Variants in TXNDC16 observed in about 807,000 individuals in gnomAD.
TXNDC16 encodes the protein thioredoxin domain-containing protein 16.
A neutral mutation model predicts 85.6 loss-of-function variants in TXNDC16; 74 were observed. That is an observed-to-expected ratio of 0.86 (90% CI 0.72 to 1.05). The LOEUF (loss-of-function observed/expected upper bound fraction) is 1.05. Ranked by LOEUF, TXNDC16 falls within the 50% of genes least tolerant of loss-of-function variation. The pLI is 0.00. For missense variants in TXNDC16, 959 were observed against 947.0 expected (o/e 1.01, Z -0.17); for synonymous variants, 335 against 326.5 (o/e 1.03, Z -0.28).
intron 14 of TXNDC16, among the ~76,000 whole-genome samples, chr14:52,479,957 T>C (rs1268390536): frequency 1.3e-5 from 2 of 152,076 alleles, no homozygotes; most frequent in African/African-American, 4.8e-5. Context: ...GGTACTGGCA[T>C]AAAAATTGGC....
chr14:52,435,929 T>G (rs1440518046), intron 20 of TXNDC16, among the ~76,000 whole-genome samples: 1 of 151,974 alleles, frequency 6.6e-6, no homozygotes, highest in Non-Finnish European at 1.5e-5. Flanking sequence ...TAGTGTGTGA[T>G]GATCGCACCC....
intron 16 of TXNDC16, among the ~76,000 whole-genome samples, chr14:52,459,087 T>C (rs1445223035): frequency 1.3e-5 from 2 of 152,170 alleles, no homozygotes; most frequent in African/African-American, 4.8e-5. Flanking sequence ...AATAAAAATA[T>C]GCACAAAAAG....
Position 52,457,231 on chromosome 14 carries a change from C to T in TXNDC16, c.1619-57G>A, listed in dbSNP as rs2035555828. The T allele has an allele frequency of 3.1e-6, 3 of 965,018 alleles. No homozygotes were observed. In the East Asian group the frequency reaches 8.2e-5, roughly 26 times the overall value. The allele number at this position is 965,018 out of a possible 1,614,324, so 59.8% of individuals were successfully genotyped here. A position where few individuals can be genotyped will look rare whatever the true frequency, so the allele number is the denominator to read the frequency against. On this transcript the variant is annotated intron_variant, in intron 16 of 20. Transcript: ENST00000281741. ...AACCTTTATAATTATGTATGCTATT[C>T]AACTGATGAAGAGATTTATAGGTGG... is the stretch of plus-strand genomic sequence containing the variant.
intron 14 of TXNDC16, among the ~76,000 whole-genome samples, chr14:52,473,294 T>TA (rs2140135218): frequency 6.6e-6 from 1 of 152,240 alleles, no homozygotes; most frequent in Non-Finnish European, 1.5e-5. Flanking sequence ...CCAGGGTATA[T>TA]ACCCCAGACA....
chr14:52,496,053 G>A (rs1162388791), intron 9 of TXNDC16, among the ~76,000 whole-genome samples: 6 of 151,914 alleles, frequency 3.9e-5, no homozygotes, highest in Admixed American at 2.0e-4. Context: ...CCAGCTACTC[G>A]GGAGGCTGAG....
chr14:52,471,893 A>G (rs1460980127), intron 14 of TXNDC16, among the ~76,000 whole-genome samples: 5 of 151,206 alleles, frequency 3.3e-5, no homozygotes, highest in African/African-American at 1.2e-4. Context: ...AACACTAAAT[A>G]AAATAAGCAC....
intron 6 of TXNDC16, among the ~76,000 whole-genome samples, chr14:52,529,878 T>A (rs1483565980): frequency 9.6e-6 from 1 of 103,714 alleles, no homozygotes; most frequent in Non-Finnish European, 1.7e-5. Flanking sequence ...ATACCTATTA[T>A]ATATATGAAT....
chr14:52,486,632 T>C (rs1374207692), intron 12 of TXNDC16, among the ~76,000 whole-genome samples: 2 of 152,166 alleles, frequency 1.3e-5, no homozygotes, highest in African/African-American at 4.8e-5. Context: ...ATAAATTCTT[T>C]CCTAACCCTT....
intron 6 of TXNDC16, among the ~76,000 whole-genome samples, chr14:52,530,276 T>TAA (rs1566581970): frequency 0.044 from 1,726 of 39,178 alleles, 54 homozygotes; most frequent in East Asian, 0.091. Flanking sequence ...ATATTATTAT[T>TAA]TAATATATAA....
rs555643667 is a variant in TXNDC16, at chr14:52,443,351, A to G, written c.1843-2627T>C. Among the ~76,000 whole-genome samples the G allele has an allele frequency of 1.8e-4, 28 of 152,208 alleles. No individual in the cohort carries two copies. In the South Asian group the frequency reaches 2.3e-3, roughly 12 times the overall value. ...TTTCTCCTCAGCTTGCAGATGGCCT[A>G]TTGTGGGACCGTGTGATTTTTATTA... On this transcript the variant is annotated intron_variant, in intron 18 of 20. Transcript: ENST00000281741.
chr14:52,442,107 T>C (rs781379), intron 18 of TXNDC16, among the ~76,000 whole-genome samples: 14,582 of 152,248 alleles, frequency 0.096, 813 homozygotes, highest in East Asian at 0.18. Flanking sequence ...TTAAAATGTA[T>C]TTGTAGAAGA....
At chr14:52,437,083 T>C (rs185983669) in intron 20 of TXNDC16, among the ~76,000 whole-genome samples, 128 of 152,248 alleles carry the variant, frequency 8.4e-4, no homozygotes, top group Admixed American at 2.0e-3. Flanking sequence ...GTATAAATGG[T>C]TAAGACTCAA....
chr14:52,486,673 A>G (rs773178206), intron 12 of TXNDC16, among the ~76,000 whole-genome samples: 12 of 152,130 alleles, frequency 7.9e-5, no homozygotes, highest in Non-Finnish European at 1.6e-4. Flanking sequence ...CGGGAGTGAT[A>G]CAGAGGGAGG....
chr14:52,539,022 A>T (rs1403742586), intron 4 of TXNDC16, among the ~76,000 whole-genome samples: 1 of 152,226 alleles, frequency 6.6e-6, no homozygotes, highest in Non-Finnish European at 1.5e-5. Flanking sequence ...GTGTCCATTC[A>T]TTCATCAATT....
At chr14:52,534,698 T>C (rs1285649977) in intron 6 of TXNDC16, among the ~76,000 whole-genome samples, 1 of 152,206 alleles carries the variant, frequency 6.6e-6, no homozygotes, top group Non-Finnish European at 1.5e-5. Flanking sequence ...TTAGCCCTTA[T>C]GCATACATAC....
intron 12 of TXNDC16, among the ~76,000 whole-genome samples, chr14:52,487,886 A>T (rs555552432): frequency 6.6e-6 from 1 of 152,364 alleles, no homozygotes; most frequent in East Asian, 1.9e-4. Flanking sequence ...ATACATTTTT[A>T]AAAAACTGAA....
At chr14:52,503,706 T>G (rs529915219) in intron 9 of TXNDC16, among the ~76,000 whole-genome samples, 4 of 152,066 alleles carry the variant, frequency 2.6e-5, no homozygotes. Context: ...TCACCAGCAA[T>G]GGAACAAAGC....
chr14:52,466,063 GA>G (rs2035765350), intron 16 of TXNDC16, among the ~76,000 whole-genome samples: 1 of 151,760 alleles, frequency 6.6e-6, no homozygotes. Context: ...TAAAATGTTG[GA>G]AAAGTGAATG....
chr14:52,490,755 A>T, intron 10 of TXNDC16, 84 bp downstream of exon 10: 1 of 1,440,102 alleles, frequency 6.9e-7, no homozygotes. Flanking sequence ...GAGTTTACTT[A>T]TAAGTGATTA....
Sources: gnomAD v4.1 joint callset for allele counts (sites outside exome capture counted in the v4.1 genomes callset) on GRCh38, gnomAD v4.1.1 for gene constraint, MANE v1.5 for transcripts, NCBI Gene and HGNC (gene_info 2026-07-23, HGNC 2026-07-21) for gene names.